Variants in SHISA9 observed in about 807,000 individuals in gnomAD.
SHISA9 encodes protein shisa-9.
A neutral mutation model predicts 38.0 loss-of-function variants in SHISA9; 13 were observed. That is an observed-to-expected ratio of 0.34 (90% confidence interval 0.22 to 0.54). SHISA9 has a LOEUF of 0.54. Ranked by LOEUF, SHISA9 falls within the 20% of genes least tolerant of loss-of-function variation. SHISA9 has a pLI of 0.91. For missense variants in SHISA9, 538 were observed against 575.8 expected (o/e 0.93, Z 0.67); for synonymous variants, 275 against 242.0 (o/e 1.14, Z -1.27).
chr16:13,379,644 C>G, the SHISA9 span, among the ~76,000 whole-genome samples: 31 of 152,186 alleles, frequency 2.0e-4, no homozygotes, highest in African/African-American at 6.5e-4. Context: ...CTGTGCCTAA[C>G]AATAGTGCCT....
the SHISA9 span, among the ~76,000 whole-genome samples, chr16:13,265,865 T>C: frequency 6.6e-5 from 10 of 152,052 alleles, no homozygotes; most frequent in African/African-American, 2.4e-4. Flanking sequence ...TTTAAAAGAA[T>C]AATGTGCCAA....
chr16:13,469,617 C>A, the SHISA9 span, among the ~76,000 whole-genome samples: 61 of 152,304 alleles, frequency 4.0e-4, no homozygotes, highest in Admixed American at 7.8e-4. Flanking sequence ...CTTCTCCCAC[C>A]CATGCTTCTT....
chr16:13,100,063 G>A (rs1226428874), intron 2 of SHISA9, among the ~76,000 whole-genome samples: 2 of 152,198 alleles, frequency 1.3e-5, no homozygotes, highest in Non-Finnish European at 2.9e-5. Flanking sequence ...GCCCTTTCAG[G>A]AGACCACTCT....
the SHISA9 span, among the ~76,000 whole-genome samples, chr16:13,471,939 A>G: frequency 1.3e-5 from 2 of 152,228 alleles, no homozygotes; most frequent in Non-Finnish European, 2.9e-5. Context: ...CTCACAGAGA[A>G]TCACAAAGAC....
chr16:13,451,530 A>C, the SHISA9 span, among the ~76,000 whole-genome samples: 1 of 152,212 alleles, frequency 6.6e-6, no homozygotes, highest in East Asian at 1.9e-4. Flanking sequence ...TTACTTTTAG[A>C]TATAATGGGC....
the SHISA9 span, among the ~76,000 whole-genome samples, chr16:13,438,193 CTG>C: frequency 6.6e-5 from 10 of 152,222 alleles, no homozygotes; most frequent in East Asian, 1.9e-3. Flanking sequence ...ATTTCAATAA[CTG>C]TGAGAATATC....
intron 2 of SHISA9, among the ~76,000 whole-genome samples, chr16:13,168,822 A>G (rs1277584931): frequency 6.6e-6 from 1 of 152,220 alleles, no homozygotes; most frequent in African/African-American, 2.4e-5. Flanking sequence ...TGGCCAAGTC[A>G]CTTCACCTGT....
intron 2 of SHISA9, among the ~76,000 whole-genome samples, chr16:12,935,525 CTCATTCATGGGGAAG>C (rs912754460): frequency 1.4e-4 from 21 of 152,094 alleles, no homozygotes; most frequent in Non-Finnish European, 2.9e-4. Context: ...TCATGGGAAG[CTCATTCATGGGGAAG>C]GAAAATCGAA....
At chr16:13,500,669 A>G in the SHISA9 span, among the ~76,000 whole-genome samples, 1 of 152,044 alleles carries the variant, frequency 6.6e-6, no homozygotes, top group Non-Finnish European at 1.5e-5. Context: ...GAGAGACCAG[A>G]GACAAAAAGA....
At chr16:13,115,423 A>T (rs1344265902) in intron 2 of SHISA9, among the ~76,000 whole-genome samples, 1 of 152,246 alleles carries the variant, frequency 6.6e-6, no homozygotes, top group Non-Finnish European at 1.5e-5. Context: ...AAACGAAGGG[A>T]TGGGCCGAAT....
the SHISA9 span, among the ~76,000 whole-genome samples, chr16:13,408,173 ATC>A: frequency 5.3e-4 from 80 of 152,318 alleles, no homozygotes; most frequent in African/African-American, 1.8e-3. Context: ...AGGAAGAAAA[ATC>A]TCTATTGTTT....
intron 2 of SHISA9, among the ~76,000 whole-genome samples, chr16:13,019,286 C>G (rs775392820): frequency 6.6e-6 from 1 of 152,114 alleles, no homozygotes; most frequent in Non-Finnish European, 1.5e-5. Context: ...AGACGTGAGC[C>G]ACCACGCTTG....
In SHISA9 at chr16:13,150,068, T is replaced by C. The variant is rs530939257; in HGVS notation, c.692-53326T>C. Among the ~76,000 whole-genome samples, 27 of 150,690 alleles carry C rather than the reference T, an allele frequency of 1.8e-4. No individual in the cohort carries two copies. The East Asian group carries it at 5.1e-3, about 28-fold the overall frequency. On this transcript the variant is annotated intron_variant, in intron 2 of 4. Transcript: ENST00000558583. ...AAAAAAAAAAAAACTAGCCTGTTTT[T>C]CTTAGTTAAAAGTCCAGAGTGTCAA...
chr16:13,468,290 C>T, the SHISA9 span, among the ~76,000 whole-genome samples: 7 of 152,136 alleles, frequency 4.6e-5, no homozygotes, highest in Admixed American at 1.3e-4. Flanking sequence ...GTTCTGGACC[C>T]GGATTATTGG....
the SHISA9 span, among the ~76,000 whole-genome samples, chr16:13,301,306 G>T: frequency 2.0e-5 from 3 of 152,198 alleles, no homozygotes; most frequent in Non-Finnish European, 2.9e-5. Context: ...ACTTTAATGT[G>T]CAGAAGAACC....
chr16:13,413,505 C>T, the SHISA9 span, among the ~76,000 whole-genome samples: 1 of 152,028 alleles, frequency 6.6e-6, no homozygotes, highest in South Asian at 2.1e-4. Context: ...CCTGCAATCC[C>T]AACACTTTGG....
At chr16:13,132,869 T>C (rs1220885527) in intron 2 of SHISA9, among the ~76,000 whole-genome samples, 1 of 151,382 alleles carries the variant, frequency 6.6e-6, no homozygotes, top group Non-Finnish European at 1.5e-5. Flanking sequence ...AAATTAGGGA[T>C]GGCTCAGAAC....
At position 13,238,957 on chromosome 16, in the gene SHISA9, C is replaced by G. The variant is rs1366524109; in HGVS notation, c.*3548C>G. 3 of 149,000 alleles carry G rather than the reference C, an allele frequency of 2.0e-5. No individual in the cohort carries two copies. Among genetic ancestry groups the G allele is most frequent in the Non-Finnish European group, 4.5e-5 (3 of 67,294 alleles). The allele number at this position is 149,000 out of a possible 1,614,324, so 9.2% of individuals were successfully genotyped here. ...CCATTAACTCGTCATTTAGCATTAG[C>G]TATATCTCCTAATGCTATCCCTCCC... On this transcript the variant is annotated 3_prime_UTR_variant, in exon 5 of 5. Transcript: ENST00000558583.
At chr16:13,426,485 T>A in the SHISA9 span, among the ~76,000 whole-genome samples, 1 of 152,146 alleles carries the variant, frequency 6.6e-6, no homozygotes. Flanking sequence ...CTGTGTACCT[T>A]TCCCCTGCCA....
Sources: gnomAD v4.1 joint callset for allele counts (sites outside exome capture counted in the v4.1 genomes callset) on GRCh38, gnomAD v4.1.1 for gene constraint, MANE v1.5 for transcripts, NCBI Gene and HGNC (gene_info 2026-07-23, HGNC 2026-07-21) for gene names.